LRRC4C: variants seen among roughly 807,000 people sequenced by gnomAD.
LRRC4C encodes leucine-rich repeat-containing protein 4C.
LRRC4C carries 5 observed loss-of-function variants against 33.6 expected under a neutral mutation model. That is an observed-to-expected ratio of 0.15 (90% CI 0.08 to 0.31). The LOEUF (loss-of-function observed/expected upper bound fraction) is 0.31. Ranked by LOEUF, LRRC4C falls within the 10% of genes least tolerant of loss-of-function variation. LRRC4C has a pLI of 1.00. For missense variants in LRRC4C, 560 were observed against 796.7 expected, an observed-to-expected ratio of 0.70 and a Z score of 3.58; for synonymous variants, 329 against 302.0, an observed-to-expected ratio of 1.09 and a Z score of -0.93.
At chr11:41,132,660 GT>G (rs1943070055) in intron 1 of LRRC4C, among the ~76,000 whole-genome samples, 3 of 152,056 alleles carry the variant, frequency 2.0e-5, no homozygotes, top group South Asian at 4.2e-4. Context: ...TTCCTTCATT[GT>G]TTGTTTTGTT....
intron 1 of LRRC4C, among the ~76,000 whole-genome samples, chr11:41,407,000 G>A (rs1212366031): frequency 6.6e-6 from 1 of 152,114 alleles, no homozygotes; most frequent in Admixed American, 6.5e-5. Context: ...TGTAATTACA[G>A]TGTGGTAAAG....
At chr11:41,175,447 T>C (rs189160994) in intron 1 of LRRC4C, among the ~76,000 whole-genome samples, 5 of 152,114 alleles carry the variant, frequency 3.3e-5, no homozygotes, top group Non-Finnish European at 4.4e-5. Context: ...TGACTCTGAT[T>C]GTTACTGGCA....
intron 2 of LRRC4C, among the ~76,000 whole-genome samples, chr11:40,662,538 G>T (rs912959355): frequency 6.6e-6 from 1 of 152,182 alleles, no homozygotes; most frequent in South Asian, 2.1e-4. Flanking sequence ...GGACTATCGG[G>T]AGGAACATAG....
At chr11:40,375,169 C>T (rs1177167630) in intron 3 of LRRC4C, among the ~76,000 whole-genome samples, 1 of 152,116 alleles carries the variant, frequency 6.6e-6, no homozygotes, top group African/African-American at 2.4e-5. Flanking sequence ...CACTGTAACA[C>T]ACTTTTTGTT....
intron 5 of LRRC4C, among the ~76,000 whole-genome samples, chr11:40,181,954 G>T (rs1045827994): frequency 2.0e-5 from 3 of 152,100 alleles, no homozygotes. Flanking sequence ...AAATGAGAGT[G>T]ATTCAAATAT....
At chr11:41,244,308 G>T (rs1948369288) in intron 1 of LRRC4C, among the ~76,000 whole-genome samples, 1 of 152,130 alleles carries the variant, frequency 6.6e-6, no homozygotes, top group African/African-American at 2.4e-5. Context: ...TGAACTACTT[G>T]TAAATCTAAG....
At chr11:41,355,163 A>C (rs1428689769) in intron 1 of LRRC4C, among the ~76,000 whole-genome samples, 1 of 152,132 alleles carries the variant, frequency 6.6e-6, no homozygotes. Context: ...TGGGCACAGT[A>C]CATGAACAGA....
rs541312842 is a variant in LRRC4C at position 40,131,238 on chromosome 11, G to A, written c.-43+9563C>T. Among the ~76,000 whole-genome samples, 12 of 152,250 alleles carry A rather than the reference G, an allele frequency of 7.9e-5. No homozygotes were observed. The South Asian group carries it at 1.5e-3, about 18-fold the overall frequency. On this transcript the variant is annotated intron_variant, in intron 6 of 6. Coordinates refer to ENST00000528697, the MANE Select transcript of LRRC4C (RefSeq NM_001258419.2). ...TGAAGTCCATTGCTAAGACTTATATGTGAACCAAAAAGATAGAAAAGGTAT... is the reference window on the plus strand; with the variant it reads ...TGAAGTCCATTGCTAAGACTTATATATGAACCAAAAAGATAGAAAAGGTAT...
intron 1 of LRRC4C, among the ~76,000 whole-genome samples, chr11:41,246,272 G>C (rs1289304613): frequency 1.3e-5 from 2 of 152,200 alleles, no homozygotes; most frequent in African/African-American, 4.8e-5. Flanking sequence ...TGATGCAGCA[G>C]GGGGCTAGTG....
intron 2 of LRRC4C, among the ~76,000 whole-genome samples, chr11:40,682,256 T>C (rs1354079208): frequency 4.1e-5 from 6 of 145,012 alleles, no homozygotes; most frequent in African/African-American, 1.6e-4. Flanking sequence ...GGTGACAAAG[T>C]GAGGCCCCAC....
chr11:40,440,022 A>T (rs1259431336), intron 3 of LRRC4C, among the ~76,000 whole-genome samples: 1 of 152,220 alleles, frequency 6.6e-6, no homozygotes, highest in Non-Finnish European at 1.5e-5. Flanking sequence ...CAGCATTGCA[A>T]TGACACAGTT....
chr11:41,015,279 G>A (rs1855498309), intron 1 of LRRC4C, among the ~76,000 whole-genome samples: 1 of 152,014 alleles, frequency 6.6e-6, no homozygotes, highest in African/African-American at 2.4e-5. Flanking sequence ...GTTATTGAAA[G>A]ACCTTTTTAT....
intron 3 of LRRC4C, among the ~76,000 whole-genome samples, chr11:40,589,603 C>A (rs1356482726): frequency 2.0e-4 from 30 of 152,046 alleles, no homozygotes; most frequent in Non-Finnish European, 4.4e-5. Context: ...CATGATTTTG[C>A]AGTGGCTGGT....
intron 2 of LRRC4C, among the ~76,000 whole-genome samples, chr11:40,783,358 C>CCATCT (rs1382550424): frequency 7.2e-5 from 11 of 151,904 alleles, no homozygotes; most frequent in Non-Finnish European, 4.4e-5. Context: ...TGCAGTGGCA[C>CCATCT]CATCTCGGCT....
chr11:40,634,629 G>C (rs576430729), intron 3 of LRRC4C, among the ~76,000 whole-genome samples: 1 of 152,130 alleles, frequency 6.6e-6, no homozygotes, highest in South Asian at 2.1e-4. Context: ...TAGTACTTTG[G>C]AAGTTCAAGG....
At chr11:40,703,107 T>G (rs956832801) in intron 2 of LRRC4C, among the ~76,000 whole-genome samples, 11 of 152,072 alleles carry the variant, frequency 7.2e-5, no homozygotes, top group African/African-American at 2.7e-4. Context: ...TCAGGGGGCA[T>G]TAGGCAGTGT....
At chr11:40,965,801 G>C (rs11036162) in intron 1 of LRRC4C, among the ~76,000 whole-genome samples, 2 of 151,380 alleles carry the variant, frequency 1.3e-5, no homozygotes, top group Non-Finnish European at 3.0e-5. Context: ...GTCAGGTAGC[G>C]TGATGCCTCC....
intron 1 of LRRC4C, among the ~76,000 whole-genome samples, chr11:41,154,998 G>A (rs1282671875): frequency 6.6e-6 from 1 of 152,112 alleles, no homozygotes; most frequent in Non-Finnish European, 1.5e-5. Context: ...TGACGTGGGG[G>A]TAAGAAGAGG....
intron 1 of LRRC4C, among the ~76,000 whole-genome samples, chr11:41,193,372 C>T (rs1464211501): frequency 1.3e-5 from 2 of 152,090 alleles, no homozygotes; most frequent in Admixed American, 6.6e-5. Flanking sequence ...GCTCATTACA[C>T]ATCATATTCT....
Sources: gnomAD v4.1 joint callset for allele counts (sites outside exome capture counted in the v4.1 genomes callset) on GRCh38, gnomAD v4.1.1 for gene constraint, MANE v1.5 for transcripts, NCBI Gene and HGNC (gene_info 2026-07-23, HGNC 2026-07-21) for gene names.